Variants in SNURF observed in about 807,000 individuals in gnomAD.
SNURF encodes the protein SNRPN upstream open reading frame.
Under a neutral mutation model 11.6 loss-of-function variants are expected in SNURF, and 6 were observed. The observed-to-expected ratio is 0.52, with a 90% confidence interval of 0.28 to 1.02. SNURF has a LOEUF of 1.02. Among genes scored for constraint, SNURF ranks in the 50% least tolerant of loss-of-function variants. The pLI, the probability that SNURF is intolerant of heterozygous loss-of-function variation, is 0.09. For synonymous variants in SNURF, 29 were observed against 31.6 expected (o/e 0.92, Z 0.27); for missense variants, 84 against 88.4 (o/e 0.95, Z 0.20).
chr15:24,957,980 C>T (rs1161821602), intron 1 of SNURF, among the ~76,000 whole-genome samples: 7 of 152,072 alleles, frequency 4.6e-5, no homozygotes, highest in African/African-American at 1.7e-4. Flanking sequence ...GGAGTGGCAG[C>T]CCTTCCTGTG....
At chr15:24,977,021 T>A in exon 6 of SNURF, 2 of 1,569,912 alleles carry the variant, frequency 1.3e-6, no homozygotes, top group Non-Finnish European at 1.7e-6. Flanking sequence ...TGGGGGACCA[T>A]CCCAGCAGGT....
At chr15:24,959,983 G>A (rs1033494304) in intron 1 of SNURF, among the ~76,000 whole-genome samples, 4 of 152,164 alleles carry the variant, frequency 2.6e-5, no homozygotes, top group African/African-American at 7.2e-5. Context: ...AACATGAACT[G>A]TCTGGGCATG....
At chr15:24,973,763 A>T (rs773502212), downstream of SNURF, among the ~76,000 whole-genome samples, 1 of 151,772 alleles carries the variant, frequency 6.6e-6, no homozygotes, top group Non-Finnish European at 1.5e-5. Flanking sequence ...ATGTGAGTCT[A>T]TATATATATA....
intron 1 of SNURF, among the ~76,000 whole-genome samples, chr15:24,960,820 C>CTGTAGATAGTTAATGTTAAAAGT (rs1403231192): frequency 6.6e-6 from 1 of 152,078 alleles, no homozygotes; most frequent in African/African-American, 2.4e-5. Flanking sequence ...CATACAAAAG[C>CTGTAGATAGTTAATGTTAAAAGT]TGTAGATAGT....
chr15:24,967,992 T>C, exon 3 of SNURF: 1 of 1,614,138 alleles, frequency 6.2e-7, no homozygotes, highest in Non-Finnish European at 8.5e-7. Flanking sequence ...ATTTCCAGGC[T>C]GAACTGAGGC....
intron 2 of SNURF, among the ~76,000 whole-genome samples, chr15:24,963,032 A>G (rs1214161492): frequency 6.6e-6 from 1 of 152,122 alleles, no homozygotes; most frequent in Non-Finnish European, 1.5e-5. Context: ...CCCAGAGATA[A>G]TCATTAAGTA....
chr15:24,975,343 T>A (rs988145575), intron 3 of SNURF: 18 of 1,609,338 alleles, frequency 1.1e-5, no homozygotes, highest in Non-Finnish European at 1.5e-5. Flanking sequence ...ATGACTCTTG[T>A]CTTACTGCTT....
chr15:24,967,527 A>G (rs1489302641), intron 2 of SNURF, among the ~76,000 whole-genome samples: 1 of 152,032 alleles, frequency 6.6e-6, no homozygotes, highest in African/African-American at 2.4e-5. Flanking sequence ...CTGTAGTCTC[A>G]GCTACTCGGG....
At chr15:24,974,128 G>T (rs1280342551) in intron 3 of SNURF, among the ~76,000 whole-genome samples, 1 of 152,194 alleles carries the variant, frequency 6.6e-6, no homozygotes, top group Non-Finnish European at 1.5e-5. Context: ...AGTCCTAAGT[G>T]TGTCAAATGT....
At chr15:24,954,995 G>C (rs1162895338) in exon 1 of SNURF, 9 of 1,610,076 alleles carry the variant, frequency 5.6e-6, no homozygotes, top group Non-Finnish European at 7.6e-6. Flanking sequence ...GCGCAGAGTG[G>C]AGCGGCCGCC....
At chr15:24,975,417 G>T in exon 4 of SNURF, 1 of 1,613,268 alleles carries the variant, frequency 6.2e-7, no homozygotes, top group Non-Finnish European at 8.5e-7. Flanking sequence ...GATGTATCCT[G>T]CAAGATGGCC....
chr15:24,960,949 C>T (rs563426301), intron 1 of SNURF, among the ~76,000 whole-genome samples: 1 of 152,052 alleles, frequency 6.6e-6, no homozygotes, highest in East Asian at 1.9e-4. Flanking sequence ...TCCCTACCTT[C>T]TTTTTTTTCA....
At chr15:24,972,039 T>C (rs1374119268), downstream of SNURF, among the ~76,000 whole-genome samples, 1 of 152,116 alleles carries the variant, frequency 6.6e-6, no homozygotes, top group Non-Finnish European at 1.5e-5. Context: ...GCAGGTCACC[T>C]GAAGTCAGGA....
chr15:24,955,409 C>T (rs1243038382), intron 1 of SNURF, among the ~76,000 whole-genome samples: 5 of 151,782 alleles, frequency 3.3e-5, no homozygotes, highest in Non-Finnish European at 2.9e-5. Flanking sequence ...GTGGGTACAT[C>T]AGGGTGATTG....
intron 3 of SNURF, chr15:24,974,693 T>G (rs2076862746): frequency 1.6e-6 from 1 of 614,490 alleles, no homozygotes; most frequent in Non-Finnish European, 2.9e-6. Flanking sequence ...CGGTCTTGGC[T>G]CACTGCAACC....
intron 2 of SNURF, among the ~76,000 whole-genome samples, chr15:24,963,885 A>G (rs981580562): frequency 7.9e-5 from 12 of 151,990 alleles, no homozygotes; most frequent in African/African-American, 2.9e-4. Context: ...AAAATAAATT[A>G]GCCAGGCGTG....
intron 2 of SNURF, among the ~76,000 whole-genome samples, chr15:24,963,737 A>G (rs1332560735): frequency 6.6e-6 from 1 of 151,482 alleles, no homozygotes; most frequent in Non-Finnish European, 1.5e-5. Flanking sequence ...TTATTTCCTC[A>G]TTTTATATGT....
intron 3 of SNURF, chr15:24,974,331 C>A: frequency 1.2e-6 from 1 of 864,786 alleles, no homozygotes; most frequent in South Asian, 1.4e-5. Context: ...CTCTTTGAAG[C>A]TTCTGCCCAG....
intron 6 of SNURF, chr15:24,977,760 C>G: frequency 1.3e-6 from 2 of 1,574,962 alleles, no homozygotes; most frequent in Non-Finnish European, 1.7e-6. Context: ...TTGACTGTTT[C>G]CCGCCCTGCC....
Sources: allele counts gnomAD v4.1 joint callset (sites outside exome capture counted in the v4.1 genomes callset), GRCh38; gene constraint gnomAD v4.1.1; transcripts MANE v1.5; gene names NCBI Gene and HGNC (gene_info 2026-07-23, HGNC 2026-07-21).